CTNNA2: variants seen among roughly 807,000 people sequenced by gnomAD.
CTNNA2 encodes the protein catenin alpha-2.
A neutral mutation model predicts 101.0 loss-of-function variants in CTNNA2; 42 were observed. The observed-to-expected ratio is 0.42, with a 90% CI of 0.32 to 0.54. CTNNA2 has a LOEUF of 0.54. CTNNA2 is among the 20% of genes least tolerant of loss of function. The pLI is 0.14. For missense variants in CTNNA2, 871 were observed against 1,223.1 expected, an observed-to-expected ratio of 0.71 and a Z score of 4.29; for synonymous variants, 450 against 456.4, an observed-to-expected ratio of 0.99 and a Z score of 0.18.
chr2:79,524,248 A>G (rs1672276830), intron 1 of CTNNA2, among the ~76,000 whole-genome samples: 1 of 152,038 alleles, frequency 6.6e-6, no homozygotes, highest in South Asian at 2.1e-4. Context: ...TGTGTCCTTC[A>G]GTAACATAAA....
intron 2 of CTNNA2, among the ~76,000 whole-genome samples, chr2:79,267,240 T>G (rs2104294098): frequency 6.6e-6 from 1 of 152,214 alleles, no homozygotes; most frequent in South Asian, 2.1e-4. Flanking sequence ...TATAAAAAAA[T>G]ACCATAAACT....
chr2:80,102,820 C>T (rs921823674), intron 7 of CTNNA2, among the ~76,000 whole-genome samples: 2 of 152,100 alleles, frequency 1.3e-5, no homozygotes, highest in African/African-American at 4.8e-5. Context: ...CCCTAGTCCA[C>T]TAAATAAATG....
At chr2:80,459,873 T>G (rs2149470192) in intron 9 of CTNNA2, among the ~76,000 whole-genome samples, 1 of 152,228 alleles carries the variant, frequency 6.6e-6, no homozygotes, top group Admixed American at 6.5e-5. Flanking sequence ...TAAGCATAGG[T>G]GGGCCAGTGT....
chr2:79,187,357 C>T (rs1291850031), intron 1 of CTNNA2, among the ~76,000 whole-genome samples: 1 of 147,912 alleles, frequency 6.8e-6, no homozygotes, highest in African/African-American at 2.5e-5. Flanking sequence ...GCAATTTCTG[C>T]CTCCCAGGTT....
intron 7 of CTNNA2, among the ~76,000 whole-genome samples, chr2:79,949,869 A>G (rs565574148): frequency 3.3e-5 from 5 of 152,314 alleles, no homozygotes; most frequent in African/African-American, 1.2e-4. Flanking sequence ...TCTTTTCCAT[A>G]TTTTAGTTAT....
At chr2:79,629,828 T>C (rs1427775830) in intron 1 of CTNNA2, among the ~76,000 whole-genome samples, 2 of 152,156 alleles carry the variant, frequency 1.3e-5, no homozygotes, top group Admixed American at 1.3e-4. Context: ...CTTTGTGCCT[T>C]GCTGAACCTG....
chr2:79,657,583 A>G (rs1681704876), intron 2 of CTNNA2, among the ~76,000 whole-genome samples: 1 of 151,890 alleles, frequency 6.6e-6, no homozygotes, highest in Non-Finnish European at 1.5e-5. Flanking sequence ...TTAGAGAATC[A>G]TAATTTTAAC....
intron 9 of CTNNA2, among the ~76,000 whole-genome samples, chr2:80,490,938 A>G (rs1370712088): frequency 6.6e-6 from 1 of 152,226 alleles, no homozygotes; most frequent in Non-Finnish European, 1.5e-5. Flanking sequence ...GAAAGAATGT[A>G]TATTCTGGGA....
intron 1 of CTNNA2, among the ~76,000 whole-genome samples, chr2:79,602,888 T>G (rs562940168): frequency 5.3e-5 from 8 of 152,168 alleles, no homozygotes; most frequent in Non-Finnish European, 1.2e-4. Flanking sequence ...TCCCCAAAGA[T>G]TAATCCATAA....
chr2:79,980,207 A>G (rs1182916591), intron 7 of CTNNA2, among the ~76,000 whole-genome samples: 1 of 152,162 alleles, frequency 6.6e-6, no homozygotes, highest in African/African-American at 2.4e-5. Context: ...CTGGAGAATC[A>G]CAAAGAGGAT....
chr2:80,299,407 A>G (rs1194432114), intron 7 of CTNNA2: 1 of 151,814 alleles, frequency 6.6e-6, no homozygotes, highest in Non-Finnish European at 1.5e-5. Flanking sequence ...GCACAGGGGC[A>G]TGAAATGATG....
At chr2:79,675,466 C>T (rs1378003559) in intron 2 of CTNNA2, among the ~76,000 whole-genome samples, 1 of 152,120 alleles carries the variant, frequency 6.6e-6, no homozygotes, top group African/African-American at 2.4e-5. Flanking sequence ...GAAACACTTT[C>T]GGGGGCTTGG....
At chr2:79,837,267 C>T (rs1679445453) in intron 3 of CTNNA2, among the ~76,000 whole-genome samples, 1 of 152,136 alleles carries the variant, frequency 6.6e-6, no homozygotes, top group Non-Finnish European at 1.5e-5. Context: ...GGGCAGGAAG[C>T]GTCTAGCACG....
chr2:79,871,135 C>G (rs554598028), intron 5 of CTNNA2, among the ~76,000 whole-genome samples: 1 of 151,996 alleles, frequency 6.6e-6, no homozygotes, highest in Non-Finnish European at 1.5e-5. Flanking sequence ...TTTTTTAAAA[C>G]ATTTTGGGCC....
At chr2:79,978,861 T>C (rs781292695) in intron 7 of CTNNA2, among the ~76,000 whole-genome samples, 10 of 152,214 alleles carry the variant, frequency 6.6e-5, no homozygotes, top group Admixed American at 5.2e-4. Flanking sequence ...AAATAGTTTG[T>C]GTATTATCTC....
intron 9 of CTNNA2, among the ~76,000 whole-genome samples, chr2:80,522,699 C>T (rs1181775603): frequency 6.6e-6 from 1 of 152,062 alleles, no homozygotes; most frequent in Non-Finnish European, 1.5e-5. Context: ...ACCCAGCCCC[C>T]ACTTCTTGCC....
At chr2:80,263,043 T>C (rs912777980) in intron 7 of CTNNA2, among the ~76,000 whole-genome samples, 3 of 152,184 alleles carry the variant, frequency 2.0e-5, no homozygotes, top group Non-Finnish European at 4.4e-5. Context: ...TTCTTTAGAC[T>C]AATTTTAGAA....
intron 9 of CTNNA2, among the ~76,000 whole-genome samples, chr2:80,445,147 G>GT (rs1175768768): frequency 1.3e-5 from 2 of 151,800 alleles, no homozygotes; most frequent in East Asian, 1.9e-4. Flanking sequence ...GTCTCTTTGT[G>GT]TTTTTTTGTT....
chr2:79,411,354 G>A (rs1678407745), intron 4 of CTNNA2, among the ~76,000 whole-genome samples: 1 of 151,952 alleles, frequency 6.6e-6, no homozygotes, highest in Non-Finnish European at 1.5e-5. Context: ...TTTTGAATGT[G>A]TTTGCTCTTG....
Sources: allele counts gnomAD v4.1 joint callset (sites outside exome capture counted in the v4.1 genomes callset), GRCh38; gene constraint gnomAD v4.1.1; transcripts MANE v1.5; gene names NCBI Gene and HGNC (gene_info 2026-07-23, HGNC 2026-07-21).